The following EIF4G3 variants were observed in gnomAD, a reference collection of about 807,000 sequenced individuals.
EIF4G3 encodes the protein eukaryotic translation initiation factor 4 gamma 3.
Under a neutral mutation model 186.4 loss-of-function variants are expected in EIF4G3, and 34 were observed. That is an observed-to-expected ratio of 0.18 (90% CI 0.14 to 0.24). The LOEUF is 0.24. Among genes scored for constraint, EIF4G3 ranks in the 10% least tolerant of loss-of-function variants. The probability of loss-of-function intolerance (pLI) is 1.00; values close to 1 mark genes in which losing one functional copy is unlikely to be tolerated. For missense variants in EIF4G3, 1,536 were observed against 1,948.5 expected (o/e 0.79, Z 3.99); for synonymous variants, 673 against 679.5 (o/e 0.99, Z 0.15).
intron 2 of EIF4G3, among the ~76,000 whole-genome samples, chr1:21,165,354 A>G (rs576201298): frequency 2.0e-5 from 3 of 152,346 alleles, no homozygotes; most frequent in Admixed American, 6.5e-5. Context: ...AGAAATTACA[A>G]CATAACATCT....
At chr1:21,033,669 A>G (rs1015704290) in intron 4 of EIF4G3, among the ~76,000 whole-genome samples, 1 of 152,124 alleles carries the variant, frequency 6.6e-6, no homozygotes, top group African/African-American at 2.4e-5. Context: ...AACATACTTC[A>G]CTTTATGTAA....
chr1:20,849,589 A>G (rs2072582622), intron 28 of EIF4G3, 59 bp from the exon 29 acceptor site: 4 of 739,556 alleles, frequency 5.4e-6, no homozygotes, highest in Non-Finnish European at 8.5e-6. Context: ...TAAAATAGTG[A>G]GATTATGGTT....
downstream of EIF4G3, chr1:20,806,357 C>G (rs140906103): frequency 4.3e-4 from 66 of 152,788 alleles, 1 homozygote; most frequent in African/African-American, 1.4e-3. Flanking sequence ...CTCTCTCACT[C>G]TCTCTCGTTT....
At chr1:21,148,343 A>G (rs760933576) in intron 2 of EIF4G3, among the ~76,000 whole-genome samples, 120 of 151,954 alleles carry the variant, frequency 7.9e-4, no homozygotes, top group Admixed American at 2.0e-3. Flanking sequence ...AGTGCTGGTT[A>G]TTACACGCAT....
chr1:21,074,850 G>T (rs1339863422), intron 3 of EIF4G3, among the ~76,000 whole-genome samples: 1 of 152,170 alleles, frequency 6.6e-6, no homozygotes, highest in Admixed American at 6.6e-5. Flanking sequence ...CGAGGTGAGA[G>T]AATCGCTTGA....
At chr1:21,098,540 G>GAAA (rs59544256) in intron 2 of EIF4G3, among the ~76,000 whole-genome samples, 18 of 72,702 alleles carry the variant, frequency 2.5e-4, no homozygotes, top group African/African-American at 8.7e-4. Context: ...GCCCTGTCTC[G>GAAA]AAAAAAAAAA....
intron 2 of EIF4G3, among the ~76,000 whole-genome samples, chr1:21,157,410 T>C (rs1308516842): frequency 3.3e-5 from 5 of 152,112 alleles, no homozygotes; most frequent in Admixed American, 3.3e-4. Context: ...CTCTCTTTCT[T>C]ACCCAGGCTG....
intron 14 of EIF4G3, among the ~76,000 whole-genome samples, chr1:20,914,300 G>A (rs182996105): frequency 2.6e-5 from 4 of 152,184 alleles, no homozygotes; most frequent in Admixed American, 2.6e-4. Flanking sequence ...ATCTTGTGAT[G>A]AGGAGACTAT....
chr1:21,007,857 C>T (rs1312937582), intron 4 of EIF4G3, among the ~76,000 whole-genome samples: 1 of 152,050 alleles, frequency 6.6e-6, no homozygotes. Context: ...AAAGAGTGTA[C>T]AGGATACAAC....
At chr1:20,855,102 A>G (rs1463273) in intron 25 of EIF4G3, 31 bp from the exon 26 acceptor site, 179,296 of 1,483,736 alleles carry the variant, frequency 0.12, 13,268 homozygotes, top group East Asian at 0.31. Context: ...AGTCAATTAT[A>G]GGAAATATTC....
chr1:21,022,960 T>C (rs2091098303), intron 4 of EIF4G3, among the ~76,000 whole-genome samples: 1 of 152,210 alleles, frequency 6.6e-6, no homozygotes, highest in Non-Finnish European at 1.5e-5. Context: ...TTTCTTTCCT[T>C]CGAGGATGCT....
At chr1:20,868,570 G>C (rs765303398) in intron 20 of EIF4G3, among the ~76,000 whole-genome samples, 1 of 152,058 alleles carries the variant, frequency 6.6e-6, no homozygotes, top group Admixed American at 6.6e-5. Context: ...ATTTTTCAGA[G>C]ACACAACAGT....
chr1:20,882,575 C>G (rs1359698162), intron 19 of EIF4G3, among the ~76,000 whole-genome samples: 3 of 150,354 alleles, frequency 2.0e-5, no homozygotes, highest in Non-Finnish European at 4.4e-5. Context: ...GAGCTGAGAT[C>G]GCGTCACTGT....
intron 14 of EIF4G3, among the ~76,000 whole-genome samples, chr1:20,919,028 T>C (rs1175617094): frequency 6.6e-6 from 1 of 152,220 alleles, no homozygotes; most frequent in Non-Finnish European, 1.5e-5. Flanking sequence ...AAGCATTTTT[T>C]CCTTTTTTTG....
intron 12 of EIF4G3, among the ~76,000 whole-genome samples, chr1:20,966,398 G>T (rs1183367005): frequency 6.6e-6 from 1 of 152,004 alleles, no homozygotes; most frequent in African/African-American, 2.4e-5. Context: ...AAGGAAATTA[G>T]TTGCCAATAT....
intron 4 of EIF4G3, among the ~76,000 whole-genome samples, chr1:21,015,052 C>T (rs1275746562): frequency 7.1e-6 from 1 of 140,534 alleles, no homozygotes; most frequent in African/African-American, 2.7e-5. Context: ...AGAATATTAA[C>T]AAAGAGATAG....
At chr1:20,823,326 A>C (rs1553186446) in intron 33 of EIF4G3, among the ~76,000 whole-genome samples, 1 of 152,278 alleles carries the variant, frequency 6.6e-6, no homozygotes, top group South Asian at 2.1e-4. Context: ...ACATATTAAC[A>C]TATCTTAGAT....
chr1:21,031,964 C>G (rs2092783718), intron 4 of EIF4G3, among the ~76,000 whole-genome samples: 1 of 152,166 alleles, frequency 6.6e-6, no homozygotes, highest in African/African-American at 2.4e-5. Flanking sequence ...AAATACCAGG[C>G]ATCCAAATAG....
chr1:20,968,094 T>G (rs1444953629), intron 12 of EIF4G3, among the ~76,000 whole-genome samples: 2 of 152,208 alleles, frequency 1.3e-5, no homozygotes, highest in East Asian at 3.8e-4. Flanking sequence ...TCACTTTAGA[T>G]AATTTTTAAG....
Sources: allele counts gnomAD v4.1 joint callset (sites outside exome capture counted in the v4.1 genomes callset), GRCh38; gene constraint gnomAD v4.1.1; transcripts MANE v1.5; gene names NCBI Gene and HGNC (gene_info 2026-07-23, HGNC 2026-07-21).